The following SPOCK1 variants were observed in gnomAD, a reference collection of about 807,000 sequenced individuals.
SPOCK1 encodes the protein SPARC (osteonectin), cwcv and kazal like domains proteoglycan 1.
SPOCK1 carries 23 observed loss-of-function variants against 55.3 expected under a neutral mutation model. The observed-to-expected ratio is 0.42, with a 90% CI of 0.30 to 0.59. The LOEUF (loss-of-function observed/expected upper bound fraction) is 0.59, where lower values mean the gene tolerates loss of function less well. Ranked by LOEUF, SPOCK1 falls within the 20% of genes least tolerant of loss-of-function variation. SPOCK1 has a pLI of 0.22. For synonymous variants in SPOCK1, 226 were observed against 221.0 expected, an observed-to-expected ratio of 1.02 and a Z score of -0.20; for missense variants, 499 against 552.5, an observed-to-expected ratio of 0.90 and a Z score of 0.97.
intron 2 of SPOCK1, among the ~76,000 whole-genome samples, chr5:137,418,560 G>C (rs1223399931): frequency 6.6e-6 from 1 of 152,208 alleles, no homozygotes; most frequent in Non-Finnish European, 1.5e-5. Context: ...GGCCACTGAT[G>C]ATGAGCATTT....
At chr5:137,429,016 C>A (rs1416392611) in intron 2 of SPOCK1, among the ~76,000 whole-genome samples, 1 of 152,232 alleles carries the variant, frequency 6.6e-6, no homozygotes, top group South Asian at 2.1e-4. Flanking sequence ...ATGGTACTCT[C>A]GCCCTACCTT....
intron 9 of SPOCK1, among the ~76,000 whole-genome samples, chr5:136,984,404 G>A (rs1309474313): frequency 1.1e-5 from 1 of 95,108 alleles, no homozygotes; most frequent in African/African-American, 3.6e-5. Context: ...GTATTACTGT[G>A]TTGCAGCTGA....
rs1348835832 is a variant in SPOCK1 at position 137,161,477 on chromosome 5, G to A, written c.233-20783C>T. 2.0e-5 allele frequency among the ~76,000 whole-genome samples: 3 copies of A among 152,058 alleles called. No homozygotes were observed. The South Asian group carries it at 6.2e-4, about 32-fold the overall frequency. ...CATGACCCCACACTTGGGTTTCTTT[G>A]GGCTCCAACGGAAGTAATTGCTTAG... On this transcript the variant is annotated intron_variant, in intron 3 of 10. Coordinates refer to ENST00000394945, the MANE Select transcript of SPOCK1 (RefSeq NM_004598.4).
chr5:137,197,371 G>C (rs1439856704), intron 3 of SPOCK1, among the ~76,000 whole-genome samples: 2 of 152,154 alleles, frequency 1.3e-5, no homozygotes, highest in Non-Finnish European at 2.9e-5. Flanking sequence ...AAAGGAAGCA[G>C]AACTATGAAT....
chr5:137,267,882 G>T (rs1756889411), intron 2 of SPOCK1, among the ~76,000 whole-genome samples: 1 of 152,204 alleles, frequency 6.6e-6, no homozygotes, highest in Non-Finnish European at 1.5e-5. Flanking sequence ...CAGTTTGCAA[G>T]TTGAAGAGGT....
At chr5:137,017,639 G>A (rs1440320614) in intron 6 of SPOCK1, among the ~76,000 whole-genome samples, 1 of 152,022 alleles carries the variant, frequency 6.6e-6, no homozygotes, top group African/African-American at 2.4e-5. Flanking sequence ...CATTATATTT[G>A]TTATTTTAAA....
intron 4 of SPOCK1, among the ~76,000 whole-genome samples, chr5:137,112,902 G>T (rs1753504338): frequency 6.6e-6 from 1 of 151,742 alleles, no homozygotes; most frequent in Admixed American, 6.6e-5. Flanking sequence ...TACCGTATGT[G>T]GCATATCACG....
chr5:137,270,589 C>T (rs1294414767), intron 2 of SPOCK1, among the ~76,000 whole-genome samples: 1 of 152,168 alleles, frequency 6.6e-6, no homozygotes, highest in African/African-American at 2.4e-5. Flanking sequence ...ATTATTCAAC[C>T]CTTTTTTAGA....
intron 2 of SPOCK1, among the ~76,000 whole-genome samples, chr5:137,276,762 G>A (rs1347727784): frequency 1.3e-5 from 2 of 152,052 alleles, no homozygotes; most frequent in Non-Finnish European, 2.9e-5. Context: ...AAACCAATGG[G>A]GATGACACTG....
chr5:137,482,326 G>A (rs1293710067), intron 2 of SPOCK1, among the ~76,000 whole-genome samples: 1 of 152,186 alleles, frequency 6.6e-6, no homozygotes, highest in East Asian at 1.9e-4. Context: ...ACTCACAGAT[G>A]ACTTGAACCA....
chr5:137,196,797 T>C (rs903488243), intron 3 of SPOCK1, among the ~76,000 whole-genome samples: 2 of 152,232 alleles, frequency 1.3e-5, no homozygotes, highest in African/African-American at 4.8e-5. Context: ...GAATTGTGCT[T>C]GTCTTTATCA....
rs574731328 is a variant in SPOCK1 at position 137,070,263 on chromosome 5, C to T, written c.475-2434G>A. ...GTGTTCTGAACAGAGCCACAGCTAA[C>T]GCACAATGTGAACACGGAAATAGGG... On this transcript the variant is annotated intron_variant, in intron 5 of 10. Transcript: ENST00000394945. Among the ~76,000 whole-genome samples the T allele has an allele frequency of 4.9e-4, 74 of 152,316 alleles. No homozygotes were observed. In the South Asian group the frequency reaches 0.014, roughly 29 times the overall value.
chr5:137,029,306 C>A (rs932827858), intron 6 of SPOCK1, among the ~76,000 whole-genome samples: 1 of 152,190 alleles, frequency 6.6e-6, no homozygotes, highest in Non-Finnish European at 1.5e-5. Flanking sequence ...AAGATCCAGA[C>A]AGATCCAGGC....
At chr5:137,148,938 C>T (rs75353983) in intron 3 of SPOCK1, among the ~76,000 whole-genome samples, 2,255 of 152,170 alleles carry the variant, frequency 0.015, 31 homozygotes, top group Non-Finnish European at 0.021. Context: ...CCCCTCTGTC[C>T]ACCTTCCCCA....
chr5:137,415,861 A>G (rs1257106291), intron 2 of SPOCK1, among the ~76,000 whole-genome samples: 2 of 152,178 alleles, frequency 1.3e-5, no homozygotes. Context: ...GAGAAATCAT[A>G]TCTTCCTAAA....
intron 2 of SPOCK1, among the ~76,000 whole-genome samples, chr5:137,361,705 T>C (rs1333559513): frequency 6.6e-6 from 1 of 152,222 alleles, no homozygotes; most frequent in Non-Finnish European, 1.5e-5. Flanking sequence ...TCATTTCCCA[T>C]GTTTCCACAA....
At chr5:137,060,921 G>GT (rs1389012062) in intron 6 of SPOCK1, among the ~76,000 whole-genome samples, 2 of 152,174 alleles carry the variant, frequency 1.3e-5, no homozygotes, top group Non-Finnish European at 2.9e-5. Flanking sequence ...TTACCTCAGA[G>GT]TCCTGACAAA....
At chr5:137,445,150 G>A (rs535912637) in intron 2 of SPOCK1, among the ~76,000 whole-genome samples, 54 of 152,204 alleles carry the variant, frequency 3.5e-4, no homozygotes, top group Non-Finnish European at 5.7e-4. Context: ...TAGACATTGC[G>A]TTTTCTCCTC....
At chr5:137,412,749 G>T (rs917025936) in intron 2 of SPOCK1, among the ~76,000 whole-genome samples, 1 of 152,158 alleles carries the variant, frequency 6.6e-6, no homozygotes, top group Non-Finnish European at 1.5e-5. Context: ...CCCTTCACAG[G>T]CCTCAAGAAC....
Sources: allele counts gnomAD v4.1 joint callset (sites outside exome capture counted in the v4.1 genomes callset), GRCh38; gene constraint gnomAD v4.1.1; transcripts MANE v1.5; gene names NCBI Gene and HGNC (gene_info 2026-07-23, HGNC 2026-07-21).